ZNF385D: variants seen among roughly 807,000 people sequenced by gnomAD.
ZNF385D encodes zinc finger protein 659.
Under a neutral mutation model 35.8 loss-of-function variants are expected in ZNF385D, and 15 were observed. That is an observed-to-expected ratio of 0.42 (90% CI 0.28 to 0.64). ZNF385D has a LOEUF of 0.64. Ranked by LOEUF, ZNF385D falls within the 30% of genes least tolerant of loss-of-function variation. The probability of loss-of-function intolerance (pLI) is 0.23; values close to 1 mark genes in which losing one functional copy is unlikely to be tolerated. For synonymous variants in ZNF385D, 212 were observed against 186.8 expected, an observed-to-expected ratio of 1.13 and a Z score of -1.10; for missense variants, 474 against 494.6, an observed-to-expected ratio of 0.96 and a Z score of 0.39.
intron 2 of ZNF385D, among the ~76,000 whole-genome samples, chr3:22,180,363 G>A (rs1018042492): frequency 1.3e-5 from 2 of 152,200 alleles, no homozygotes; most frequent in Non-Finnish European, 2.9e-5. Context: ...GGTACAAGGA[G>A]GAGCTGGGAC....
In ZNF385D at chr3:22,125,771, A is replaced by G. The variant is rs1289091001; in HGVS notation, c.325+43046T>C. ...AATGATTTTTGTATGTTGATTTTGT[A>G]TCCTGCAACTTAACTGAATTTATCA... On this transcript the variant is annotated intron_variant, in intron 3 of 5. Coordinates refer to the ZNF385D transcript ENST00000494108. Among the ~76,000 whole-genome samples the G allele has an allele frequency of 2.0e-5, 3 of 152,256 alleles. No homozygotes were observed. The East Asian group carries it at 5.8e-4, about 29-fold the overall frequency.
chr3:21,782,427 G>C (rs187950791), intron 3 of ZNF385D, among the ~76,000 whole-genome samples: 1 of 152,022 alleles, frequency 6.6e-6, no homozygotes, highest in Non-Finnish European at 1.5e-5. Context: ...TAGGATGTTC[G>C]TTTAAGGTCA....
At chr3:22,314,476 T>G (rs1342634265) in intron 2 of ZNF385D, among the ~76,000 whole-genome samples, 1 of 152,130 alleles carries the variant, frequency 6.6e-6, no homozygotes, top group East Asian at 1.9e-4. Context: ...GGCTTAGTAT[T>G]CCATCATATA....
intron 2 of ZNF385D, among the ~76,000 whole-genome samples, chr3:22,212,561 C>T (rs1322804060): frequency 1.3e-5 from 2 of 151,974 alleles, no homozygotes; most frequent in South Asian, 2.1e-4. Flanking sequence ...AGGTTTTATT[C>T]CCTCATCATT....
chr3:22,008,403 A>G (rs1318702775), intron 3 of ZNF385D, among the ~76,000 whole-genome samples: 1 of 129,004 alleles, frequency 7.8e-6, no homozygotes, highest in Non-Finnish European at 1.6e-5. Context: ...CCCAGGTTGG[A>G]GTGCAGTGGC....
In ZNF385D at chr3:22,230,209, G is replaced by A. The variant is rs77600139; in HGVS notation, c.107-61174C>T. Reference sequence around the variant, plus strand: ...CATTTTCTATTGCACCACCATTTGGGTTCAATAAAAATTAGAAAACCAACA... The same window carrying A: ...CATTTTCTATTGCACCACCATTTGGATTCAATAAAAATTAGAAAACCAACA... On this transcript the variant is annotated intron_variant, in intron 2 of 5. Transcript: ENST00000494108. Among the ~76,000 whole-genome samples, 1,197 of 152,168 alleles carry A rather than the reference G, an allele frequency of 7.9e-3. 17 individuals carry two copies. Among genetic ancestry groups the A allele is most frequent in the African/African-American group, 0.027 (1,118 of 41,506 alleles).
intron 3 of ZNF385D, among the ~76,000 whole-genome samples, chr3:21,971,636 C>G (rs1029190890): frequency 1.3e-5 from 2 of 150,710 alleles, no homozygotes; most frequent in Admixed American, 6.6e-5. Flanking sequence ...TTAATGTAAA[C>G]AGACTAAACT....
intron 3 of ZNF385D, among the ~76,000 whole-genome samples, chr3:22,067,419 G>A (rs931380361): frequency 6.6e-6 from 1 of 152,072 alleles, no homozygotes; most frequent in African/African-American, 2.4e-5. Context: ...GCTCAGCAGG[G>A]CAATAACAGG....
intron 3 of ZNF385D, among the ~76,000 whole-genome samples, chr3:22,048,883 A>G (rs963944182): frequency 2.6e-5 from 4 of 152,164 alleles, no homozygotes; most frequent in African/African-American, 7.2e-5. Context: ...TGAACATGGA[A>G]TATCTTTTCA....
At chr3:22,019,034 CTTTTTTTTTTTTTTTTTTT>C (rs11380195) in intron 3 of ZNF385D, among the ~76,000 whole-genome samples, 1 of 64,460 alleles carries the variant, frequency 1.6e-5, no homozygotes, top group Non-Finnish European at 2.8e-5. Flanking sequence ...AGTTATTTAC[CTTTTTTTTTTTTTTTTTTT>C]TTTTTTTTTT....
chr3:21,867,055 C>G (rs1032759115), intron 3 of ZNF385D, among the ~76,000 whole-genome samples: 38 of 152,086 alleles, frequency 2.5e-4, no homozygotes, highest in African/African-American at 9.2e-4. Flanking sequence ...AGTCTGGAGG[C>G]TGAAAAGTCC....
intron 3 of ZNF385D, among the ~76,000 whole-genome samples, chr3:21,990,428 A>T (rs1325265125): frequency 6.6e-6 from 1 of 152,200 alleles, no homozygotes; most frequent in Non-Finnish European, 1.5e-5. Flanking sequence ...AAGAGCTCAT[A>T]ATATTGCCTG....
At chr3:21,943,128 A>G (rs1701612577) in intron 3 of ZNF385D, among the ~76,000 whole-genome samples, 1 of 152,128 alleles carries the variant, frequency 6.6e-6, no homozygotes, top group Non-Finnish European at 1.5e-5. Context: ...AAGGCCTAAA[A>G]ATGAGGGAAG....
chr3:22,034,357 T>C (rs929280421), intron 3 of ZNF385D, among the ~76,000 whole-genome samples: 7 of 152,256 alleles, frequency 4.6e-5, no homozygotes, highest in African/African-American at 1.7e-4. Flanking sequence ...AACCTGACCA[T>C]GCCAGCACCC....
At chr3:21,785,530 T>C (rs1189515232) in intron 3 of ZNF385D, among the ~76,000 whole-genome samples, 1 of 152,198 alleles carries the variant, frequency 6.6e-6, no homozygotes, top group Non-Finnish European at 1.5e-5. Flanking sequence ...AGCTAAAGCT[T>C]TGTACCCTTT....
intron 3 of ZNF385D, among the ~76,000 whole-genome samples, chr3:21,972,740 G>C (rs1241126465): frequency 6.6e-6 from 1 of 151,582 alleles, no homozygotes; most frequent in Non-Finnish European, 1.5e-5. Context: ...GATGAAAAAG[G>C]GACATTACAA....
chr3:21,658,591 A>AT (rs578224292), intron 2 of ZNF385D, among the ~76,000 whole-genome samples: 248 of 134,926 alleles, frequency 1.8e-3, no homozygotes, highest in Non-Finnish European at 3.4e-3. Flanking sequence ...ATCTACCTAT[A>AT]TATCTATCTA....
intron 3 of ZNF385D, among the ~76,000 whole-genome samples, chr3:21,558,015 T>C (rs1409519442): frequency 6.6e-6 from 1 of 152,184 alleles, no homozygotes; most frequent in Non-Finnish European, 1.5e-5. Flanking sequence ...TATCATTTTT[T>C]AGTGTGTCTA....
chr3:21,875,138 G>A (rs1269399812), intron 3 of ZNF385D, among the ~76,000 whole-genome samples: 1 of 152,002 alleles, frequency 6.6e-6, no homozygotes, highest in African/African-American at 2.4e-5. Flanking sequence ...AGTTCTAACA[G>A]TTTTCTTTGG....
Sources: gnomAD v4.1 joint callset for allele counts (sites outside exome capture counted in the v4.1 genomes callset) on GRCh38, gnomAD v4.1.1 for gene constraint, MANE v1.5 for transcripts, NCBI Gene and HGNC (gene_info 2026-07-23, HGNC 2026-07-21) for gene names.